Variants in LYPLAL1 observed in about 807,000 individuals in gnomAD.
LYPLAL1 encodes lysophospholipase like 1, also known as lysophospholipase-like protein 1.
Under a neutral mutation model 19.7 loss-of-function variants are expected in LYPLAL1, and 23 were observed. That is an observed-to-expected ratio of 1.17 (90% CI 0.84 to 1.65). LYPLAL1 has a LOEUF of 1.65. Among genes scored for constraint, LYPLAL1 ranks in the 40% most tolerant of loss-of-function variants. The probability of loss-of-function intolerance (pLI) is 0.00; values close to 1 mark genes in which losing one functional copy is unlikely to be tolerated. For missense variants in LYPLAL1, 355 were observed against 279.4 expected (o/e 1.27, Z -1.93); for synonymous variants, 119 against 96.3 (o/e 1.24, Z -1.38).
the LYPLAL1 span, among the ~76,000 whole-genome samples, chr1:219,243,643 G>A: frequency 6.6e-5 from 10 of 152,200 alleles, no homozygotes; most frequent in Non-Finnish European, 1.0e-4. Flanking sequence ...AAAAGGTCCC[G>A]GCGCAGTGGC....
At chr1:219,304,478 G>A in the LYPLAL1 span, among the ~76,000 whole-genome samples, 1,861 of 152,270 alleles carry the variant, frequency 0.012, 32 homozygotes, top group African/African-American at 0.042. Flanking sequence ...AAAGCCATTC[G>A]TATGATTTCA....
chr1:219,374,815 C>T, the LYPLAL1 span, among the ~76,000 whole-genome samples: 1 of 152,170 alleles, frequency 6.6e-6, no homozygotes, highest in Non-Finnish European at 1.5e-5. Context: ...CATGAGAATA[C>T]AGTTTCTTCA....
the LYPLAL1 span, among the ~76,000 whole-genome samples, chr1:219,339,502 A>C: frequency 6.6e-6 from 1 of 152,120 alleles, no homozygotes; most frequent in Admixed American, 6.6e-5. Context: ...AAACTTTTGC[A>C]TACACAATTT....
At chr1:219,402,403 T>G in the LYPLAL1 span, among the ~76,000 whole-genome samples, 3 of 152,148 alleles carry the variant, frequency 2.0e-5, no homozygotes, top group Non-Finnish European at 4.4e-5. Flanking sequence ...AGTGCCATAT[T>G]TGAAACTAGA....
At chr1:219,237,651 GTTGTT>G in the LYPLAL1 span, among the ~76,000 whole-genome samples, 1 of 151,928 alleles carries the variant, frequency 6.6e-6, no homozygotes, top group Non-Finnish European at 1.5e-5. Flanking sequence ...GTTTGTTGTT[GTTGTT>G]TTGTTTTGTT....
At chr1:219,277,917 G>T in the LYPLAL1 span, among the ~76,000 whole-genome samples, 3 of 152,180 alleles carry the variant, frequency 2.0e-5, no homozygotes, top group African/African-American at 7.2e-5. Context: ...CCAAGGAGAA[G>T]AAGTTTTATT....
chr1:219,255,946 C>A, the LYPLAL1 span, among the ~76,000 whole-genome samples: 1 of 151,418 alleles, frequency 6.6e-6, no homozygotes, highest in Non-Finnish European at 1.5e-5. Context: ...TATATGATTT[C>A]TTTTATGCAT....
At chr1:219,368,101 TC>T in the LYPLAL1 span, among the ~76,000 whole-genome samples, 6 of 152,276 alleles carry the variant, frequency 3.9e-5, no homozygotes, top group African/African-American at 7.2e-5. Flanking sequence ...AAAGTAAAAA[TC>T]TATCTCATTT....
At chr1:219,354,619 A>G in the LYPLAL1 span, among the ~76,000 whole-genome samples, 1 of 152,254 alleles carries the variant, frequency 6.6e-6, no homozygotes, top group African/African-American at 2.4e-5. Context: ...AAAGCAAATA[A>G]CAAAGAAAGA....
At chr1:219,389,134 A>T in the LYPLAL1 span, among the ~76,000 whole-genome samples, 1 of 152,210 alleles carries the variant, frequency 6.6e-6, no homozygotes, top group Non-Finnish European at 1.5e-5. Context: ...AATTTTATTC[A>T]TTCTTTTTCA....
chr1:219,395,730 C>T, the LYPLAL1 span, among the ~76,000 whole-genome samples: 2 of 152,032 alleles, frequency 1.3e-5, no homozygotes, highest in East Asian at 3.9e-4. Flanking sequence ...AGGTGGTCTT[C>T]CAGGATTTTT....
At chr1:219,393,465 T>C in the LYPLAL1 span, among the ~76,000 whole-genome samples, 1 of 152,060 alleles carries the variant, frequency 6.6e-6, no homozygotes, top group Non-Finnish European at 1.5e-5. Flanking sequence ...ACACCCAGGG[T>C]GACTTTGGGG....
At chr1:219,434,558 G>A in the LYPLAL1 span, among the ~76,000 whole-genome samples, 1 of 152,170 alleles carries the variant, frequency 6.6e-6, no homozygotes, top group African/African-American at 2.4e-5. Context: ...GCATTTCTAT[G>A]AAATTATTGT....
chr1:219,173,897 G>C lies in LYPLAL1; in HGVS notation c.7G>C (p.Ala3Pro). 3 of 1,612,672 alleles carry C rather than the reference G, an allele frequency of 1.9e-6. No individual in the cohort carries two copies. Among genetic ancestry groups the C allele is most frequent in the Non-Finnish European group, 2.5e-6 (3 of 1,179,876 alleles). Residue 3 changes from alanine (A) to proline (P), a missense_variant, in exon 1 of 5, where the codon GCT becomes CCT. By Grantham distance (27) the Ala-to-Pro change is conservative (BLOSUM62 -1). Transcript: ENST00000366928. MA[A>P]ASGSVLQRCI... ...ACTGGCAGTGGCATCAGCGATGGCG[G>C]CTGCGTCGGGGTCGGTTCTGCAGCG...
intron 1 of LYPLAL1, among the ~76,000 whole-genome samples, chr1:219,176,945 C>A (rs1001549677): frequency 2.6e-5 from 4 of 152,106 alleles, no homozygotes; most frequent in African/African-American, 9.7e-5. Context: ...AGCTTATGTT[C>A]TAATGAAGTA....
the LYPLAL1 span, among the ~76,000 whole-genome samples, chr1:219,338,916 T>A: frequency 1.3e-5 from 2 of 152,006 alleles, no homozygotes; most frequent in South Asian, 4.1e-4. Context: ...TTTGCAATAA[T>A]CTTTGCAACA....
At chr1:219,384,542 A>G in the LYPLAL1 span, among the ~76,000 whole-genome samples, 1 of 152,326 alleles carries the variant, frequency 6.6e-6, no homozygotes, top group South Asian at 2.1e-4. Context: ...GGTAATGTCA[A>G]TTGATTGAAT....
At chr1:219,266,821 T>C in the LYPLAL1 span, among the ~76,000 whole-genome samples, 1 of 152,212 alleles carries the variant, frequency 6.6e-6, no homozygotes, top group Non-Finnish European at 1.5e-5. Context: ...GAAATGTCAT[T>C]ATGCTGTGCA....
chr1:219,271,696 C>T, the LYPLAL1 span: 1 of 152,116 alleles, frequency 6.6e-6, no homozygotes, highest in Non-Finnish European at 1.5e-5. Flanking sequence ...GAAGGGTGGC[C>T]ACCTGCCAAT....
Sources: gnomAD v4.1 joint callset for allele counts (sites outside exome capture counted in the v4.1 genomes callset) on GRCh38, gnomAD v4.1.1 for gene constraint, MANE v1.5 for transcripts, NCBI Gene and HGNC (gene_info 2026-07-23, HGNC 2026-07-21) for gene names.